Variants in AHNAK observed in about 807,000 individuals in gnomAD.
AHNAK encodes AHNAK nucleoprotein, also known as neuroblast differentiation-associated protein AHNAK.
Under a neutral mutation model 37.8 loss-of-function variants are expected in AHNAK, and 23 were observed. The ratio of observed to expected loss-of-function variants is 0.61; its 90% CI spans 0.44 to 0.86. The LOEUF is 0.86. Among genes scored for constraint, AHNAK ranks in the 40% least tolerant of loss-of-function variants. The probability of loss-of-function intolerance (pLI) is 0.00; values close to 1 mark genes in which losing one functional copy is unlikely to be tolerated. For synonymous variants in AHNAK, 2,481 were observed against 2,636.3 expected (o/e 0.94, Z 1.80); for missense variants, 7,411 against 7,319.4 (o/e 1.01, Z -0.46).
At position 62,525,911 on chromosome 11, in the gene AHNAK, A is replaced by G. The variant is rs537805685; in HGVS notation, c.8506T>C (p.Ser2836Pro). 9 of 1,613,964 alleles carry G rather than the reference A, an allele frequency of 5.6e-6. No homozygotes were observed. The South Asian group carries it at 6.6e-5, about 12-fold the overall frequency. ...PEMHFKTPKI[S>P]MPDIDLNLTG... ...AGATTCAGGTCAATATCTGGCATGG[A>G]TATCTTTGGAGTCTTAAAATGCATC... Residue 2836 changes from serine to proline, a missense_variant, in exon 5 of 5, where the codon TCC becomes CCC. Coordinates refer to ENST00000378024, the MANE Select transcript of AHNAK (RefSeq NM_001620.3).
chr11:62,442,962 G>C (rs899744427), intron 5 of AHNAK, among the ~76,000 whole-genome samples: 8 of 151,890 alleles, frequency 5.3e-5, no homozygotes, highest in Non-Finnish European at 8.8e-5. Context: ...GACCTGGCTC[G>C]AGTCTTGCAC....
At chr11:62,440,717 G>A (rs1358765711) in intron 5 of AHNAK, among the ~76,000 whole-genome samples, 3 of 152,174 alleles carry the variant, frequency 2.0e-5, no homozygotes, top group Non-Finnish European at 4.4e-5. Flanking sequence ...GAGAGCCAGA[G>A]GGAGCCTGGC....
In AHNAK at chr11:62,476,233, A is replaced by G. The variant is rs530408057; in HGVS notation, c.442+15499T>C. Among the ~76,000 whole-genome samples, 10 of 152,298 alleles carry G rather than the reference A, an allele frequency of 6.6e-5. No individual in the cohort carries two copies. The South Asian group carries it at 2.1e-3, about 32-fold the overall frequency. Reference sequence around the variant, plus strand: ...CGAAACTCCCATCTCTACTAAAAATACAAAAATTAGCTGGGCATGGTGGCG... The same window carrying G: ...CGAAACTCCCATCTCTACTAAAAATGCAAAAATTAGCTGGGCATGGTGGCG... On this transcript the variant is annotated intron_variant, in intron 5 of 5. Transcript: ENST00000257247.
At position 62,516,151 on chromosome 11, in the gene AHNAK, G is replaced by T; in HGVS notation, c.*593C>A. On this transcript the variant is annotated 3_prime_UTR_variant, in exon 5 of 5. Transcript: ENST00000378024. ...AAACAGATTCTAATTTCCTCTCACC[G>T]TCAGCACCAAACTGGCTGGGACCAC... 5 of 1,288,448 alleles carry T rather than the reference G, an allele frequency of 3.9e-6. No homozygotes were observed. Among genetic ancestry groups the T allele is most frequent in the Non-Finnish European group, 5.1e-6 (5 of 988,420 alleles). The allele number at this position is 1,288,448 out of a possible 1,614,324, so 79.8% of individuals were successfully genotyped here. A position where few individuals can be genotyped will look rare whatever the true frequency, so the allele number is the denominator to read the frequency against.
At chr11:62,483,062 A>G (rs1423719082) in intron 5 of AHNAK, among the ~76,000 whole-genome samples, 1 of 152,160 alleles carries the variant, frequency 6.6e-6, no homozygotes, top group Non-Finnish European at 1.5e-5. Flanking sequence ...ACCAAGAAGC[A>G]CTGCCTGGAG....
At chr11:62,449,941 C>A (rs1283675517) in intron 5 of AHNAK, among the ~76,000 whole-genome samples, 1 of 152,024 alleles carries the variant, frequency 6.6e-6, no homozygotes, top group Non-Finnish European at 1.5e-5. Flanking sequence ...TGTCTTTTTC[C>A]TGCGTGAAAA....
rs193060705 is a variant in AHNAK at position 62,524,215 on chromosome 11, G to C, written c.10202C>G (p.Ser3401Cys). Residue 3401 changes from serine (S) to cysteine (C), a missense_variant, in exon 5 of 5, where the codon TCC (serine) becomes TGC (cysteine). Coordinates refer to ENST00000378024, the MANE Select transcript of AHNAK (RefSeq NM_001620.3). ...ACTCAGGAAAGGCATTTTAAACTTG[G>C]ATCCTTTCACTTTTCCTTGGACCTC... is the stretch of plus-strand genomic sequence containing the variant. ...DVEVQGKVKG[S>C]KFKMPFLSIS... 2.5e-6 allele frequency: 4 copies of C among 1,613,022 alleles called. No homozygotes were observed. In the East Asian group the frequency reaches 6.7e-5, roughly 27 times the overall value.
chr11:62,486,865 C>T (rs1173776598), intron 5 of AHNAK, among the ~76,000 whole-genome samples: 1 of 151,898 alleles, frequency 6.6e-6, no homozygotes, highest in East Asian at 1.9e-4. Flanking sequence ...AAAAATTACC[C>T]TAGAGTTTTC....
At chr11:62,477,166 G>A (rs548973148) in intron 5 of AHNAK, among the ~76,000 whole-genome samples, 1 of 152,284 alleles carries the variant, frequency 6.6e-6, no homozygotes, top group South Asian at 2.1e-4. Context: ...TGCAGAAAAT[G>A]CTTTCTAAGA....
chr11:62,543,012 G>A (rs530460737), intron 1 of AHNAK, among the ~76,000 whole-genome samples: 2 of 152,206 alleles, frequency 1.3e-5, no homozygotes, highest in South Asian at 2.1e-4. Flanking sequence ...AGCTACCCCC[G>A]AGCCCCGCCA....
At position 62,508,921 on chromosome 11, in the gene AHNAK, G is replaced by A. The variant is rs1198905848; in HGVS notation, c.343-17090C>T. The stretch of plus-strand genomic sequence containing the variant: ...GCCACCAACCCCTTAAAGTGTGCTT[G>A]TGAGATAAACTTGCCCAAACTTGGA... On this transcript the variant is annotated intron_variant, in intron 4 of 5. Coordinates refer to the AHNAK transcript ENST00000257247. Among the ~76,000 whole-genome samples, 16 of 152,246 alleles carry A rather than the reference G, an allele frequency of 1.1e-4. 1 individual carries two copies.
intron 5 of AHNAK, among the ~76,000 whole-genome samples, chr11:62,445,210 A>AC (rs1195932393): frequency 3.9e-5 from 6 of 152,170 alleles, no homozygotes; most frequent in Admixed American, 3.9e-4. Flanking sequence ...CGAGAAGGAG[A>AC]CATACAGAGC....
At chr11:62,447,699 G>T (rs911423762) in intron 5 of AHNAK, among the ~76,000 whole-genome samples, 1 of 152,028 alleles carries the variant, frequency 6.6e-6, no homozygotes, top group African/African-American at 2.4e-5. Flanking sequence ...TATCAAGTCC[G>T]CTTGACAGCC....
intron 5 of AHNAK, among the ~76,000 whole-genome samples, chr11:62,485,720 A>T (rs1348005812): frequency 6.7e-6 from 1 of 148,934 alleles, no homozygotes; most frequent in Non-Finnish European, 1.5e-5. Flanking sequence ...AAAAAAAAAA[A>T]AAGAATAACA....
At chr11:62,433,649 C>G (rs1230780264) in exon 6 of AHNAK, 1 of 598,658 alleles carries the variant, frequency 1.7e-6, no homozygotes, top group Admixed American at 3.1e-5. Context: ...CACTCTGTCC[C>G]CTTGCAAGTA....
At chr11:62,462,054 C>A (rs1047386741) in intron 5 of AHNAK, among the ~76,000 whole-genome samples, 2 of 152,170 alleles carry the variant, frequency 1.3e-5, no homozygotes, top group Non-Finnish European at 2.9e-5. Context: ...TCTAAAATGG[C>A]CTCTTGGCCC....
intron 5 of AHNAK, among the ~76,000 whole-genome samples, chr11:62,469,633 T>C (rs1399783895): frequency 6.6e-6 from 1 of 150,754 alleles, no homozygotes; most frequent in Admixed American, 6.6e-5. Flanking sequence ...CCCAGATAAA[T>C]TTTTTTGTAT....
chr11:62,482,376 C>T (rs568304329), intron 5 of AHNAK, among the ~76,000 whole-genome samples: 1 of 151,568 alleles, frequency 6.6e-6, no homozygotes, highest in South Asian at 2.1e-4. Context: ...GATCGCGCCA[C>T]TGCACTCCAG....
intron 4 of AHNAK, among the ~76,000 whole-genome samples, chr11:62,500,189 C>T (rs1356268490): frequency 4.6e-5 from 7 of 152,188 alleles, no homozygotes; most frequent in African/African-American, 1.7e-4. Context: ...GTTAAGGATC[C>T]TGTATTCCAG....
Sources: allele counts gnomAD v4.1 joint callset (sites outside exome capture counted in the v4.1 genomes callset), GRCh38; gene constraint gnomAD v4.1.1; transcripts MANE v1.5; gene names NCBI Gene and HGNC (gene_info 2026-07-23, HGNC 2026-07-21).